The following GALR1 variants were observed in gnomAD, a reference collection of about 807,000 sequenced individuals.
The protein encoded by GALR1 is galanin receptor type 1.
In GALR1, 11 loss-of-function variants were observed where a neutral mutation model predicts 17.9. The observed-to-expected ratio is 0.62, with a 90% CI of 0.39 to 1.02. The LOEUF is 1.02. Ranked by LOEUF, GALR1 falls within the 50% of genes least tolerant of loss-of-function variation. GALR1 has a pLI of 0.01. For missense variants in GALR1, 441 were observed against 456.9 expected (o/e 0.97, Z 0.32); for synonymous variants, 206 against 205.7 (o/e 1.00, Z -0.01).
In GALR1 at chr18:77,271,254, C is replaced by A. The variant is rs1050439222; in HGVS notation, c.*2352C>A. On this transcript the variant is annotated 3_prime_UTR_variant, in exon 3 of 3. Transcript: ENST00000299727. ...AATAGCTTGCGCTTGAAACCCCCCCCCCCCCGCCACTTTGCTAAATGTAAA... is the reference window on the plus strand; with the variant it reads ...AATAGCTTGCGCTTGAAACCCCCCCACCCCCGCCACTTTGCTAAATGTAAA... 6.3e-5 allele frequency: 8 copies of A among 126,412 alleles called. No individual in the cohort carries two copies. Among genetic ancestry groups the A allele is most frequent in the Middle Eastern group, 7.9e-3 (2 of 254 alleles). 7.8% of individuals were successfully genotyped at this position (126,412 alleles called of 1,614,324 possible).
chr18:77,273,642 A>C lies in GALR1; in HGVS notation c.*4740A>C, dbSNP rs1198985632. 1.3e-5 allele frequency: 2 copies of C among 151,660 alleles called. No homozygotes were observed. Among genetic ancestry groups the C allele is most frequent in the African/African-American group, 4.8e-5 (2 of 41,242 alleles). The allele number at this position is 151,660 out of a possible 1,614,324, so 9.4% of individuals were successfully genotyped here. A position where few individuals can be genotyped will look rare whatever the true frequency, so the allele number is the denominator to read the frequency against. ...AAGAGTGAAACTCTGTCTCAAAAAA[A>C]TAAAAATTAAAAAAAAAAAAGAAGG... is the stretch of plus-strand genomic sequence containing the variant. On this transcript the variant is annotated 3_prime_UTR_variant, in exon 3 of 3. Coordinates refer to ENST00000299727, the MANE Select transcript of GALR1 (RefSeq NM_001480.4).
rs1476943549 is a variant in GALR1 at position 77,272,929 on chromosome 18, A to G, written c.*4027A>G. 1 of 152,236 alleles carries G rather than the reference A, an allele frequency of 6.6e-6. No homozygotes were observed. The highest frequency in any genetic ancestry group is 1.5e-5 in the Non-Finnish European group (1 of 68,044). The allele number at this position is 152,236 out of a possible 1,614,324, so 9.4% of individuals were successfully genotyped here. ...GCCTGAGGAAGAATTTAAAATGCTT[A>G]AGACATCTTTGATGGGGGCTGTATT... On this transcript the variant is annotated 3_prime_UTR_variant, in exon 3 of 3. Coordinates refer to ENST00000299727, the MANE Select transcript of GALR1 (RefSeq NM_001480.4).
chr18:77,260,382 T>G (rs545739123), intron 2 of GALR1, among the ~76,000 whole-genome samples: 1 of 152,004 alleles, frequency 6.6e-6, no homozygotes, highest in Non-Finnish European at 1.5e-5. Context: ...AGGGCACTAG[T>G]CTCTGTGTCC....
chr18:77,262,451 A>T (rs1912853397), intron 2 of GALR1, among the ~76,000 whole-genome samples: 1 of 152,188 alleles, frequency 6.6e-6, no homozygotes, highest in Non-Finnish European at 1.5e-5. Flanking sequence ...TTCTACCAGC[A>T]TCCGTTGCAA....
intron 2 of GALR1, among the ~76,000 whole-genome samples, chr18:77,263,869 G>C (rs1912885674): frequency 6.6e-6 from 1 of 152,026 alleles, no homozygotes; most frequent in South Asian, 2.1e-4. Flanking sequence ...AGGCACAGTG[G>C]CTCATGCCTG....
chr18:77,258,333 T>G (rs967372212), intron 2 of GALR1, among the ~76,000 whole-genome samples: 10 of 152,256 alleles, frequency 6.6e-5, no homozygotes, highest in Non-Finnish European at 1.3e-4. Flanking sequence ...ATGAAGATTT[T>G]CTTTTTCGTT....
In GALR1 at chr18:77,272,415, C is replaced by G. The variant is rs2144971646; in HGVS notation, c.*3513C>G. The G allele has an allele frequency of 6.6e-6, 1 of 152,312 alleles. No homozygotes were observed. The highest frequency in any genetic ancestry group is 1.9e-4 in the East Asian group (1 of 5,186). 9.4% of individuals were successfully genotyped at this position (152,312 alleles called of 1,614,324 possible). ...TCATGGCCATGGCTATCTGTAAACA[C>G]CAAAATGCTCATGCTGAAGCAGCAT... On this transcript the variant is annotated 3_prime_UTR_variant, in exon 3 of 3. Coordinates refer to ENST00000299727, the MANE Select transcript of GALR1 (RefSeq NM_001480.4).
intron 1 of GALR1, among the ~76,000 whole-genome samples, chr18:77,252,881 TCACCAC>T (rs1568138972): frequency 0.015 from 826 of 54,958 alleles, 10 homozygotes; most frequent in Admixed American, 0.029. Flanking sequence ...ACCACCACCA[TCACCAC>T]CACCACCATC....
intron 1 of GALR1, among the ~76,000 whole-genome samples, chr18:77,255,764 A>G (rs1426131293): frequency 6.6e-6 from 1 of 152,206 alleles, no homozygotes; most frequent in African/African-American, 2.4e-5. Flanking sequence ...TGTGCCTGAC[A>G]TGTAGCAGGG....
At chr18:77,256,992 TAGG>T (rs556423070) in intron 2 of GALR1, among the ~76,000 whole-genome samples, 43 of 152,184 alleles carry the variant, frequency 2.8e-4, no homozygotes, top group Non-Finnish European at 5.7e-4. Context: ...GACTAAGGAG[TAGG>T]AGGTTATAAC....
Position 77,266,454 on chromosome 18 carries a change from G to C in GALR1, c.733-2131G>C, listed in dbSNP as rs1056959127. Among the ~76,000 whole-genome samples the C allele has an allele frequency of 2.0e-5, 3 of 152,178 alleles. 1 individual carries two copies. The highest frequency in any genetic ancestry group is 4.4e-5 in the Non-Finnish European group (3 of 68,034). On this transcript the variant is annotated intron_variant, in intron 2 of 2. Transcript: ENST00000299727. ...CTTCTGAGCCATCCAAACTGTTCCA[G>C]CCTCTGCCTATTACCCAGTTCCAAA...
rs928120017 is a variant in GALR1 at position 77,268,862 on chromosome 18, G to T, written c.1010G>T (p.Arg337Leu). ...AGTGATACTAAAGAAAGTAAAAGTC[G>T]AATAGACACCCCACCATCAACCAAT... Reference protein sequence around the residue: ...HLSDTKESKSRIDTPPSTNCT... With the variant: ...HLSDTKESKSLIDTPPSTNCT... The change falls in exon 3 of 3, where the codon CGA (arginine) becomes CTA (leucine). Residue 337 changes from arginine to leucine, a missense_variant. Transcript: ENST00000299727. 6.2e-7 allele frequency: 1 copy of T among 1,613,296 alleles called. No homozygotes were observed. The highest frequency in any genetic ancestry group is 8.5e-7 in the Non-Finnish European group (1 of 1,179,420).
intron 2 of GALR1, among the ~76,000 whole-genome samples, chr18:77,256,467 C>T (rs1330107449): frequency 3.3e-5 from 5 of 149,784 alleles, no homozygotes; most frequent in East Asian, 2.0e-4. Context: ...TGAGGAAATG[C>T]GGATTCTGCT....
At chr18:77,266,122 G>T (rs184740021) in intron 2 of GALR1, among the ~76,000 whole-genome samples, 2 of 151,962 alleles carry the variant, frequency 1.3e-5, no homozygotes, top group Non-Finnish European at 2.9e-5. Flanking sequence ...CCTTATAAAC[G>T]TAAGTTCCAA....
intron 1 of GALR1, among the ~76,000 whole-genome samples, chr18:77,252,145 T>C (rs552763462): frequency 4.0e-4 from 61 of 152,226 alleles, no homozygotes; most frequent in Non-Finnish European, 1.8e-4. Flanking sequence ...ATTCTTTTTC[T>C]CATTAAGTCC....
At chr18:77,264,942 G>A (rs1912914966) in intron 2 of GALR1, among the ~76,000 whole-genome samples, 1 of 152,112 alleles carries the variant, frequency 6.6e-6, no homozygotes. Flanking sequence ...GATAAGATTT[G>A]GGTGGGAACA....
chr18:77,261,165 T>C (rs1912823061), intron 2 of GALR1, among the ~76,000 whole-genome samples: 1 of 152,224 alleles, frequency 6.6e-6, no homozygotes, highest in South Asian at 2.1e-4. Flanking sequence ...TTTTTTCAGA[T>C]ACTTTCAGCA....
intron 2 of GALR1, among the ~76,000 whole-genome samples, chr18:77,268,270 T>G (rs1410641397): frequency 6.6e-6 from 1 of 152,192 alleles, no homozygotes; most frequent in Non-Finnish European, 1.5e-5. Context: ...TCTCTAACTT[T>G]GTACTTTTCT....
chr18:77,250,452 C>G lies in GALR1; in HGVS notation c.-97C>G. ...CTCAGACTCCTAAACTCGCACTCTC[C>G]GTGCTTTGCGCCGGGACCCCTGGCC... On this transcript the variant is annotated 5_prime_UTR_variant, in exon 1 of 3. Coordinates refer to ENST00000299727, the MANE Select transcript of GALR1 (RefSeq NM_001480.4). 3.1e-6 allele frequency: 4 copies of G among 1,277,984 alleles called. No homozygotes were observed. The highest frequency in any genetic ancestry group is 3.4e-5 in the South Asian group (2 of 59,074). 79.2% of individuals were successfully genotyped at this position (1,277,984 alleles called of 1,614,324 possible). A position where few individuals can be genotyped will look rare whatever the true frequency, so the allele number is the denominator to read the frequency against.
Sources: allele counts gnomAD v4.1 joint callset (sites outside exome capture counted in the v4.1 genomes callset), GRCh38; gene constraint gnomAD v4.1.1; transcripts MANE v1.5; gene names NCBI Gene and HGNC (gene_info 2026-07-23, HGNC 2026-07-21).